FANK1: variants seen among roughly 807,000 people sequenced by gnomAD.
The protein encoded by FANK1 is fibronectin type 3 and ankyrin repeat domains protein 1.
In FANK1, 44 loss-of-function variants were observed where a neutral mutation model predicts 45.3. That is an observed-to-expected ratio of 0.97 (90% confidence interval 0.76 to 1.25). The LOEUF is 1.25. Ranked by LOEUF, FANK1 falls within the 50% of genes most tolerant of loss-of-function variation. FANK1 has a pLI of 0.00. For synonymous variants in FANK1, 149 were observed against 152.5 expected (o/e 0.98, Z 0.17); for missense variants, 391 against 424.4 (o/e 0.92, Z 0.69).
In FANK1 at chr10:125,930,883, C is replaced by G. The variant is rs569429254; in HGVS notation, c.13+34228C>G. ...CCTTGCCCCCTCCACACCCTTACCCCCAAGTCCCCAAAGTCCATTGTATCA... is the reference window on the plus strand; with the variant it reads ...CCTTGCCCCCTCCACACCCTTACCCGCAAGTCCCCAAAGTCCATTGTATCA... On this transcript the variant is annotated intron_variant, in intron 1 of 10. Coordinates refer to ENST00000368693, the MANE Select transcript of FANK1 (RefSeq NM_145235.5). Among the ~76,000 whole-genome samples the G allele has an allele frequency of 1.6e-4, 24 of 152,210 alleles. 1 individual carries two copies. In the South Asian group the frequency reaches 5.0e-3, roughly 32 times the overall value.
chr10:125,972,524 A>AT (rs1313975403), intron 1 of FANK1, among the ~76,000 whole-genome samples: 1 of 152,218 alleles, frequency 6.6e-6, no homozygotes, highest in Non-Finnish European at 1.5e-5. Flanking sequence ...AGCAAAACAA[A>AT]TTGGGTCCCA....
At chr10:125,918,585 A>AAAAAAAATATATATATATATAT (rs1554913277) in intron 1 of FANK1, among the ~76,000 whole-genome samples, 2 of 70,970 alleles carry the variant, frequency 2.8e-5, no homozygotes, top group Non-Finnish European at 4.5e-5. Context: ...AAAAAAAAAA[A>AAAAAAAATATATATATATATAT]ATATATATAT....
chr10:125,917,539 CTG>C (rs1314251962), intron 1 of FANK1, among the ~76,000 whole-genome samples: 1 of 152,172 alleles, frequency 6.6e-6, no homozygotes. Flanking sequence ...ATAGGTTTAA[CTG>C]TTTCTTCAGG....
chr10:125,915,036 T>G (rs1589829381), intron 1 of FANK1, among the ~76,000 whole-genome samples: 2 of 152,114 alleles, frequency 1.3e-5, no homozygotes, highest in Admixed American at 6.5e-5. Flanking sequence ...TGGTCAGTGA[T>G]GTGTATTAAC....
In FANK1 at chr10:125,970,751, C is replaced by T. The variant is rs189855834; in HGVS notation, c.14-9410C>T. Among the ~76,000 whole-genome samples, 12 of 152,248 alleles carry T rather than the reference C, an allele frequency of 7.9e-5. No homozygotes were observed. The East Asian group carries it at 1.5e-3, about 20-fold the overall frequency. On this transcript the variant is annotated intron_variant, in intron 1 of 10. Transcript: ENST00000368693. ...ATCAGGCAGGGAGGTTGCAGTGAGC[C>T]GAGATCGCGGCAGTACAGTCCAGCC...
intron 1 of FANK1, among the ~76,000 whole-genome samples, chr10:125,918,086 GA>G (rs373767283): frequency 7.1e-6 from 1 of 140,922 alleles, no homozygotes; most frequent in Non-Finnish European, 1.6e-5. Context: ...TCAGAAAAAA[GA>G]AAAAAAAAGG....
At chr10:125,898,398 C>G (rs145410621) in intron 1 of FANK1, among the ~76,000 whole-genome samples, 2,243 of 151,960 alleles carry the variant, frequency 0.015, 22 homozygotes, top group Non-Finnish European at 0.024. Flanking sequence ...GAGGCTTGCT[C>G]AAGAACTCCT....
In FANK1 at chr10:125,943,684, T is replaced by C. The variant is rs139326729; in HGVS notation, c.14-36477T>C. Among the ~76,000 whole-genome samples, 57 of 152,364 alleles carry C rather than the reference T, an allele frequency of 3.7e-4. No individual in the cohort carries two copies. The East Asian group carries it at 7.9e-3, about 21-fold the overall frequency. ...AGTCAGAAAATATATTTTAGAGTCT[T>C]TAAGATGTTGTGTACTTTGTGCTAC... is the stretch of plus-strand genomic sequence containing the variant. On this transcript the variant is annotated intron_variant, in intron 1 of 10. Transcript: ENST00000368693.
intron 1 of FANK1, among the ~76,000 whole-genome samples, chr10:125,968,009 A>G (rs1950281370): frequency 6.6e-6 from 1 of 152,130 alleles, no homozygotes; most frequent in Non-Finnish European, 1.5e-5. Flanking sequence ...AACACTGAAT[A>G]TTATTACCAT....
chr10:125,958,557 A>G (rs1433712310), intron 1 of FANK1, among the ~76,000 whole-genome samples: 2 of 151,980 alleles, frequency 1.3e-5, no homozygotes, highest in Non-Finnish European at 2.9e-5. Flanking sequence ...TTTTTGAGGA[A>G]CCTCCATACT....
chr10:125,901,780 G>A (rs10794036), intron 1 of FANK1, among the ~76,000 whole-genome samples: 60,369 of 152,036 alleles, frequency 0.4, 12,275 homozygotes, highest in Non-Finnish European at 0.44. Flanking sequence ...CTATCTCTGC[G>A]CTTTTCTCTT....
chr10:126,008,701 C>T (rs568277092), intron 8 of FANK1, 151 bp downstream of exon 8: 14 of 901,234 alleles, frequency 1.6e-5, no homozygotes, highest in Non-Finnish European at 2.2e-5. Context: ...TTCATAAGGG[C>T]ATGAGGCTGT....
In FANK1 at chr10:125,995,401, C is replaced by T. The variant is rs1385922494; in HGVS notation, c.317-16C>T. ...TCTGATGTTCTGGATGACTGCCTTCCATCTCATTTCTCCAGGAGAGCCCAT... is the reference window on the plus strand; with the variant it reads ...TCTGATGTTCTGGATGACTGCCTTCTATCTCATTTCTCCAGGAGAGCCCAT... On this transcript the variant is annotated splice_polypyrimidine_tract_variant and intron_variant, in intron 3 of 10. Coordinates refer to ENST00000368693, the MANE Select transcript of FANK1 (RefSeq NM_145235.5). 1 of 1,612,634 alleles carries T rather than the reference C, an allele frequency of 6.2e-7. No individual in the cohort carries two copies. Among genetic ancestry groups the T allele is most frequent in the South Asian group, 1.1e-5 (1 of 91,050 alleles).
chr10:125,952,804 C>T (rs1214056643), intron 1 of FANK1, among the ~76,000 whole-genome samples: 13 of 504 alleles, frequency 0.026, no homozygotes, highest in Non-Finnish European at 0.065. Flanking sequence ...AATACATACA[C>T]ACACACACAC....
chr10:125,948,445 C>A (rs1589990953), intron 1 of FANK1, among the ~76,000 whole-genome samples: 1 of 152,132 alleles, frequency 6.6e-6, no homozygotes, highest in African/African-American at 2.4e-5. Context: ...CCACCGATCC[C>A]ACAGAAATAC....
intron 2 of FANK1, chr10:125,980,969 C>G (rs375021186): frequency 1.3e-5 from 2 of 152,378 alleles, no homozygotes; most frequent in Non-Finnish European, 2.9e-5. Context: ...TTGTATGCCA[C>G]ATAGCATTTA....
At chr10:125,956,278 A>G (rs1285826593) in intron 1 of FANK1, among the ~76,000 whole-genome samples, 1 of 152,096 alleles carries the variant, frequency 6.6e-6, no homozygotes, top group Non-Finnish European at 1.5e-5. Context: ...AGGAGATTCA[A>G]AGTGATGTTT....
At chr10:125,981,773 C>G (rs1400984128) in intron 2 of FANK1, among the ~76,000 whole-genome samples, 2 of 152,134 alleles carry the variant, frequency 1.3e-5, no homozygotes, top group Non-Finnish European at 2.9e-5. Flanking sequence ...GTGTCACAGT[C>G]AGGATATTGG....
Position 125,996,544 on chromosome 10 carries a change from C to G in FANK1, c.399-6C>G, listed in dbSNP as rs1316473570. On this transcript the variant is annotated splice_polypyrimidine_tract_variant and splice_region_variant and intron_variant, in intron 4 of 10. Transcript: ENST00000368693. ...ATGTTTATCTCTTTTCTCTGCTTTT[C>G]CCAAGCCGTGTTAAGGTTGATGTTC... The G allele has an allele frequency of 3.1e-6, 5 of 1,613,982 alleles. No homozygotes were observed. Among genetic ancestry groups the G allele is most frequent in the Middle Eastern group, 1.6e-4 (1 of 6,062 alleles).
Sources: allele counts gnomAD v4.1 joint callset (sites outside exome capture counted in the v4.1 genomes callset), GRCh38; gene constraint gnomAD v4.1.1; transcripts MANE v1.5; gene names NCBI Gene and HGNC (gene_info 2026-07-23, HGNC 2026-07-21).